The following F13A1 variants were observed in gnomAD, a reference collection of about 807,000 sequenced individuals.
The protein encoded by F13A1 is FSF, A subunit.
Under a neutral mutation model 80.1 loss-of-function variants are expected in F13A1, and 47 were observed. The observed-to-expected ratio is 0.59, with a 90% CI of 0.46 to 0.75. The LOEUF is 0.75. Among genes scored for constraint, F13A1 ranks in the 30% least tolerant of loss-of-function variants. The pLI, the probability that F13A1 is intolerant of heterozygous loss-of-function variation, is 0.00. For missense variants in F13A1, 817 were observed against 930.4 expected, an observed-to-expected ratio of 0.88 and a Z score of 1.59; for synonymous variants, 349 against 344.9, an observed-to-expected ratio of 1.01 and a Z score of -0.13.
intron 8 of F13A1, among the ~76,000 whole-genome samples, chr6:6,220,675 T>G (rs991712800): frequency 6.6e-6 from 1 of 152,200 alleles, no homozygotes; most frequent in Non-Finnish European, 1.5e-5. Context: ...TTGGGGTGAC[T>G]ATTTTGGTCT....
intron 4 of F13A1, among the ~76,000 whole-genome samples, chr6:6,262,633 A>T (rs981309281): frequency 2.0e-5 from 3 of 151,646 alleles, no homozygotes; most frequent in Non-Finnish European, 4.4e-5. Context: ...ACTAGCTCAC[A>T]TCTTCCCTAT....
chr6:6,182,611 C>T (rs1761008459), intron 10 of F13A1, among the ~76,000 whole-genome samples: 1 of 152,154 alleles, frequency 6.6e-6, no homozygotes, highest in African/African-American at 2.4e-5. Context: ...TTGTCCTTCC[C>T]CTTCTGCTTT....
At chr6:6,253,529 G>C (rs769141283) in intron 4 of F13A1, among the ~76,000 whole-genome samples, 3 of 152,186 alleles carry the variant, frequency 2.0e-5, no homozygotes, top group Non-Finnish European at 4.4e-5. Context: ...GGTCTCCGGA[G>C]CTCTCAGGGA....
intron 1 of F13A1, among the ~76,000 whole-genome samples, chr6:6,319,126 C>A (rs3024318): frequency 6.6e-6 from 1 of 152,032 alleles, no homozygotes; most frequent in Non-Finnish European, 1.5e-5. Flanking sequence ...CATGTCCAGA[C>A]AAATGTTGTC....
Position 6,145,411 on chromosome 6 carries a change from A to G in F13A1, c.*208T>C, listed in dbSNP as rs192234804. ...ATGCTTAGCACTCTTTGGAAGGTGG[A>G]GAGATTAAAAACTAACTTCCTTGCC... On this transcript the variant is annotated 3_prime_UTR_variant, in exon 15 of 15. Coordinates refer to ENST00000264870, the MANE Select transcript of F13A1 (RefSeq NM_000129.4). 1,262 of 632,688 alleles carry G rather than the reference A, an allele frequency of 2.0e-3. 4 individuals are homozygous for G. The highest frequency in any genetic ancestry group is 3.1e-3 in the Non-Finnish European group (1,094 of 353,824). 39.2% of individuals were successfully genotyped at this position (632,688 alleles called of 1,614,324 possible).
chr6:6,286,898 T>C (rs1277143105), intron 3 of F13A1, among the ~76,000 whole-genome samples: 3 of 152,236 alleles, frequency 2.0e-5, no homozygotes, highest in African/African-American at 7.2e-5. Context: ...GCTGCTGTTA[T>C]AGTAGCATTT....
intron 4 of F13A1, among the ~76,000 whole-genome samples, chr6:6,262,796 T>G (rs891328378): frequency 1.1e-4 from 16 of 151,706 alleles, no homozygotes; most frequent in Non-Finnish European, 4.4e-5. Context: ...CTTCTTCTAC[T>G]CTACTCCTGT....
chr6:6,188,317 G>C (rs1395352430), intron 10 of F13A1, among the ~76,000 whole-genome samples: 1 of 147,022 alleles, frequency 6.8e-6, no homozygotes, highest in Non-Finnish European at 1.5e-5. Flanking sequence ...GTGATGTTAG[G>C]GTGTCAATTT....
chr6:6,249,480 T>C (rs1213166440), intron 5 of F13A1, among the ~76,000 whole-genome samples: 1 of 152,150 alleles, frequency 6.6e-6, no homozygotes, highest in Admixed American at 6.5e-5. Flanking sequence ...GCTTGGCTGG[T>C]TATTCTGGCC....
At chr6:6,206,410 G>A (rs1435557624) in intron 8 of F13A1, 2 of 463,594 alleles carry the variant, frequency 4.3e-6, no homozygotes, top group African/African-American at 2.0e-5. Context: ...GCCATATGGA[G>A]TGTTTTCTAT....
At chr6:6,175,949 C>A (rs924473603) in intron 11 of F13A1, among the ~76,000 whole-genome samples, 2 of 152,240 alleles carry the variant, frequency 1.3e-5, no homozygotes, top group Non-Finnish European at 2.9e-5. Context: ...GCTTATGCCT[C>A]AGACACTGGG....
chr6:6,190,614 G>C (rs369141820), intron 10 of F13A1, among the ~76,000 whole-genome samples: 185 of 151,050 alleles, frequency 1.2e-3, no homozygotes, highest in African/African-American at 2.3e-3. Context: ...GGGAGAACCA[G>C]TGCTCTCTTC....
chr6:6,206,450 T>C (rs539750846), intron 8 of F13A1: 1 of 470,548 alleles, frequency 2.1e-6, no homozygotes, highest in Admixed American at 2.3e-5. Context: ...CCACTTTTTT[T>C]CCCTTTCTGC....
At chr6:6,192,962 T>C (rs1458008041) in intron 10 of F13A1, among the ~76,000 whole-genome samples, 1 of 152,110 alleles carries the variant, frequency 6.6e-6, no homozygotes, top group Non-Finnish European at 1.5e-5. Flanking sequence ...CATGGAATCT[T>C]GGAATACGAC....
chr6:6,260,166 A>G (rs1430266964), intron 4 of F13A1, among the ~76,000 whole-genome samples: 1 of 152,162 alleles, frequency 6.6e-6, no homozygotes, highest in African/African-American at 2.4e-5. Context: ...TAAGCAAGCA[A>G]TTATTCTCCC....
chr6:6,153,378 G>GA (rs1272767401), intron 13 of F13A1, among the ~76,000 whole-genome samples: 2 of 152,180 alleles, frequency 1.3e-5, no homozygotes, highest in African/African-American at 2.4e-5. Flanking sequence ...TGCATGAATT[G>GA]AAAAATCACA....
At chr6:6,298,981 C>A (rs1272276) in intron 3 of F13A1, among the ~76,000 whole-genome samples, 16,936 of 144,580 alleles carry the variant, frequency 0.12, 1,394 homozygotes, top group East Asian at 0.21. Context: ...TTGTCTGTAA[C>A]GTATTTTATT....
intron 13 of F13A1, among the ~76,000 whole-genome samples, chr6:6,155,910 T>G (rs536996637): frequency 7.9e-4 from 120 of 152,362 alleles, no homozygotes; most frequent in African/African-American, 2.8e-3. Context: ...AGTCATATTT[T>G]CATTTCATTT....
Position 6,260,368 on chromosome 6 carries a change from C to T in F13A1, c.571+6190G>A, listed in dbSNP as rs957828886. 1.9e-4 allele frequency among the ~76,000 whole-genome samples: 29 copies of T among 152,308 alleles called. 1 individual carries two copies. Among genetic ancestry groups the T allele is most frequent in the African/African-American group, 6.7e-4 (28 of 41,574 alleles). ...TTCAGCCCAGCATCCTGTGCCACCT[C>T]GGGCCACAATCTTGTTCACCTGGCT... On this transcript the variant is annotated intron_variant, in intron 4 of 14. Coordinates refer to ENST00000264870, the MANE Select transcript of F13A1 (RefSeq NM_000129.4).
Sources: allele counts gnomAD v4.1 joint callset (sites outside exome capture counted in the v4.1 genomes callset), GRCh38; gene constraint gnomAD v4.1.1; transcripts MANE v1.5; gene names NCBI Gene and HGNC (gene_info 2026-07-23, HGNC 2026-07-21).